HIBADH: variants seen among roughly 807,000 people sequenced by gnomAD.
HIBADH encodes 3-hydroxyisobutyrate dehydrogenase, also known as 3-hydroxyisobutyrate dehydrogenase, mitochondrial.
A neutral mutation model predicts 36.1 loss-of-function variants in HIBADH; 25 were observed. That is an observed-to-expected ratio of 0.69 (90% CI 0.50 to 0.97). The LOEUF (loss-of-function observed/expected upper bound fraction) is 0.97. Ranked by LOEUF, HIBADH falls within the 50% of genes least tolerant of loss-of-function variation. The pLI is 0.00. For synonymous variants in HIBADH, 160 were observed against 149.5 expected, an observed-to-expected ratio of 1.07 and a Z score of -0.51; for missense variants, 421 against 418.0, an observed-to-expected ratio of 1.01 and a Z score of -0.06.
intron 5 of HIBADH, among the ~76,000 whole-genome samples, chr7:27,542,676 T>A (rs924727621): frequency 6.6e-6 from 1 of 151,928 alleles, no homozygotes; most frequent in Non-Finnish European, 1.5e-5. Flanking sequence ...GGTGTCAAAC[T>A]CCTGGGCTTG....
At chr7:27,661,294 G>A (rs184742196) in intron 1 of HIBADH, among the ~76,000 whole-genome samples, 13 of 152,232 alleles carry the variant, frequency 8.5e-5, no homozygotes, top group Non-Finnish European at 1.8e-4. Flanking sequence ...GTTAAGAATT[G>A]TAAGAGAAAG....
chr7:27,648,424 A>T (rs1370652118), intron 2 of HIBADH, among the ~76,000 whole-genome samples: 1 of 152,226 alleles, frequency 6.6e-6, no homozygotes, highest in Non-Finnish European at 1.5e-5. Context: ...AAAAAGATTC[A>T]GATATATAGT....
chr7:27,599,435 C>A (rs966359034), intron 4 of HIBADH, among the ~76,000 whole-genome samples: 1 of 152,010 alleles, frequency 6.6e-6, no homozygotes, highest in Non-Finnish European at 1.5e-5. Flanking sequence ...GTAATCCCAG[C>A]ACTTTGGGAG....
intron 4 of HIBADH, among the ~76,000 whole-genome samples, chr7:27,612,719 G>A (rs13308974): frequency 0.76 from 114,823 of 151,110 alleles, 44,076 homozygotes; most frequent in East Asian, 0.94. Context: ...GGATCACTTG[G>A]GCCTAAGAGT....
intron 4 of HIBADH, among the ~76,000 whole-genome samples, chr7:27,562,085 T>C (rs754212090): frequency 6.6e-6 from 1 of 152,094 alleles, no homozygotes; most frequent in Non-Finnish European, 1.5e-5. Context: ...ATTGGGTACA[T>C]TTAATCCATT....
chr7:27,601,727 G>A (rs1267076730), intron 4 of HIBADH, among the ~76,000 whole-genome samples: 1 of 152,098 alleles, frequency 6.6e-6, no homozygotes, highest in Non-Finnish European at 1.5e-5. Context: ...AAAGACCTAT[G>A]AAGGATATTA....
chr7:27,620,979 A>G (rs781211189), intron 4 of HIBADH, among the ~76,000 whole-genome samples: 9 of 152,172 alleles, frequency 5.9e-5, no homozygotes, highest in Non-Finnish European at 1.3e-4. Flanking sequence ...ACTGCTTACA[A>G]GAAACTCACC....
rs1362131667 is a variant in HIBADH at position 27,621,819 on chromosome 7, A to G, written c.484+7552T>C. Among the ~76,000 whole-genome samples the G allele has an allele frequency of 2.6e-5, 4 of 151,522 alleles. No homozygotes were observed. In the East Asian group the frequency reaches 5.8e-4, roughly 22 times the overall value. On this transcript the variant is annotated intron_variant, in intron 4 of 7. Coordinates refer to ENST00000265395, the MANE Select transcript of HIBADH (RefSeq NM_152740.4). Reference sequence around the variant, plus strand: ...ACAAACAAAAAACTGAAAACCTGTTAAGTATCTCTTCGCGCCACAATAAAA... The same window carrying G: ...ACAAACAAAAAACTGAAAACCTGTTGAGTATCTCTTCGCGCCACAATAAAA...
At chr7:27,586,383 A>G (rs867716838) in intron 4 of HIBADH, among the ~76,000 whole-genome samples, 1 of 151,208 alleles carries the variant, frequency 6.6e-6, no homozygotes, top group Non-Finnish European at 1.5e-5. Context: ...GGAAGGAAGG[A>G]AAGAAGGAAG....
intron 4 of HIBADH, among the ~76,000 whole-genome samples, chr7:27,543,367 A>G (rs1784187627): frequency 6.6e-6 from 1 of 152,212 alleles, no homozygotes; most frequent in African/African-American, 2.4e-5. Flanking sequence ...ATCATGGCCT[A>G]ACAGATAAGG....
chr7:27,609,867 G>A (rs1356999843), intron 4 of HIBADH, among the ~76,000 whole-genome samples: 1 of 151,910 alleles, frequency 6.6e-6, no homozygotes, highest in Non-Finnish European at 1.5e-5. Flanking sequence ...GCCCAGGCTG[G>A]AGTAGACTGT....
intron 2 of HIBADH, chr7:27,647,543 A>G (rs1482982157): frequency 5.7e-6 from 1 of 175,540 alleles, no homozygotes; most frequent in Non-Finnish European, 1.4e-5. Context: ...AATATTTAGC[A>G]AAAGACCTGA....
intron 4 of HIBADH, among the ~76,000 whole-genome samples, chr7:27,570,998 T>C (rs555178037): frequency 2.0e-5 from 3 of 152,164 alleles, no homozygotes; most frequent in Admixed American, 6.5e-5. Context: ...TGCATAACTT[T>C]TTCTTTCTAG....
At chr7:27,577,306 G>A (rs757320695) in intron 4 of HIBADH, among the ~76,000 whole-genome samples, 11 of 151,502 alleles carry the variant, frequency 7.3e-5, no homozygotes, top group African/African-American at 1.2e-4. Context: ...TGGGATTACA[G>A]GCATGCGCCA....
intron 7 of HIBADH, among the ~76,000 whole-genome samples, chr7:27,528,475 T>G (rs1424087001): frequency 6.6e-6 from 1 of 152,202 alleles, no homozygotes; most frequent in East Asian, 1.9e-4. Context: ...GAATGATAAG[T>G]GAAACGGCCT....
chr7:27,656,121 G>A (rs2128297885), intron 1 of HIBADH, among the ~76,000 whole-genome samples: 1 of 152,246 alleles, frequency 6.6e-6, no homozygotes, highest in South Asian at 2.1e-4. Context: ...TTGTGAAATG[G>A]TGTTACAACC....
intron 4 of HIBADH, among the ~76,000 whole-genome samples, chr7:27,561,138 A>G (rs892797390): frequency 6.6e-6 from 1 of 152,138 alleles, no homozygotes; most frequent in Admixed American, 6.5e-5. Context: ...TCCTTTGTCC[A>G]TTTTTAAACT....
At chr7:27,662,589 G>A in intron 1 of HIBADH, 109 bp downstream of exon 1, 1 of 620,560 alleles carries the variant, frequency 1.6e-6, no homozygotes, top group South Asian at 6.0e-5. Flanking sequence ...TGTTTTTTAA[G>A]CCCCAGCCCA....
intron 6 of HIBADH, among the ~76,000 whole-genome samples, chr7:27,537,558 A>T (rs950758777): frequency 6.6e-6 from 1 of 152,152 alleles, no homozygotes; most frequent in African/African-American, 2.4e-5. Context: ...GCATTTTCTA[A>T]AGTAAGAAAT....
Sources: gnomAD v4.1 joint callset for allele counts (sites outside exome capture counted in the v4.1 genomes callset) on GRCh38, gnomAD v4.1.1 for gene constraint, MANE v1.5 for transcripts, NCBI Gene and HGNC (gene_info 2026-07-23, HGNC 2026-07-21) for gene names.